The following RBFOX3 variants were observed in gnomAD, a reference collection of about 807,000 sequenced individuals.
RBFOX3 encodes RNA binding protein fox-1 homolog 3.
A neutral mutation model predicts 48.7 loss-of-function variants in RBFOX3; 17 were observed. The observed-to-expected ratio is 0.35, with a 90% CI of 0.24 to 0.52. The LOEUF is 0.52. RBFOX3 is among the 20% of genes least tolerant of loss of function. The pLI is 0.94. For missense variants in RBFOX3, 382 were observed against 497.5 expected (o/e 0.77, Z 2.21); for synonymous variants, 212 against 209.5 (o/e 1.01, Z -0.10).
At chr17:79,356,267 AG>A (rs1384472932) in intron 2 of RBFOX3, among the ~76,000 whole-genome samples, 1 of 144,808 alleles carries the variant, frequency 6.9e-6, no homozygotes, top group Non-Finnish European at 1.5e-5. Flanking sequence ...TGGGGGAGAG[AG>A]GAGGCACTTG....
rs8081143 is a variant in RBFOX3, at chr17:79,299,266, G to C, written c.-74+8458C>G. Reference sequence around the variant, plus strand: ...CACAACCCCGGATGGCATCAGGCTCGGTTAGGGGCTGAGTTTTGTCCCCTC... The same window carrying C: ...CACAACCCCGGATGGCATCAGGCTCCGTTAGGGGCTGAGTTTTGTCCCCTC... On this transcript the variant is annotated intron_variant, in intron 3 of 14. Transcript: ENST00000693108. The surrounding 1 kb of genome is among the most constrained non-coding windows in gnomAD (Gnocchi z 4.5). Among the ~76,000 whole-genome samples, 3 of 151,604 alleles carry C rather than the reference G, an allele frequency of 2.0e-5. No individual in the cohort carries two copies. The highest frequency in any genetic ancestry group is 3.9e-4 in the East Asian group (2 of 5,134).
intron 1 of RBFOX3, among the ~76,000 whole-genome samples, chr17:79,582,415 C>A (rs1431649582): frequency 6.6e-6 from 1 of 152,214 alleles, no homozygotes; most frequent in African/African-American, 2.4e-5. Flanking sequence ...GTGTGTGCTC[C>A]TTCTCCACCT....
chr17:79,248,027 G>T (rs1379228690), intron 3 of RBFOX3, among the ~76,000 whole-genome samples: 1 of 152,244 alleles, frequency 6.6e-6, no homozygotes, highest in African/African-American at 2.4e-5. Context: ...GCCACCAGAG[G>T]CAGTCACAGC....
chr17:79,425,213 C>T (rs1384081347), intron 2 of RBFOX3, among the ~76,000 whole-genome samples: 1 of 152,196 alleles, frequency 6.6e-6, no homozygotes, highest in Non-Finnish European at 1.5e-5. Context: ...CTGCAAACCC[C>T]CCTTCCTGGA....
chr17:79,346,203 G>A (rs2082897685), intron 2 of RBFOX3, among the ~76,000 whole-genome samples: 2 of 152,178 alleles, frequency 1.3e-5, no homozygotes, highest in African/African-American at 4.8e-5. Flanking sequence ...GATTACAGGT[G>A]TGAGCCACCA....
intron 2 of RBFOX3, among the ~76,000 whole-genome samples, chr17:79,327,482 CG>C (rs2079513550): frequency 6.6e-6 from 1 of 152,216 alleles, no homozygotes; most frequent in Non-Finnish European, 1.5e-5. Context: ...GCAGCGACCA[CG>C]GATGAATGCT....
At chr17:79,345,974 G>A (rs1183757060) in intron 2 of RBFOX3, among the ~76,000 whole-genome samples, 2 of 152,258 alleles carry the variant, frequency 1.3e-5, no homozygotes, top group Middle Eastern at 3.4e-3. Context: ...AGGCTGGAAT[G>A]CAGTGGTGTG....
chr17:79,096,580 G>A (rs948800394), intron 12 of RBFOX3, 73 bp downstream of exon 12: 36 of 1,326,420 alleles, frequency 2.7e-5, no homozygotes, highest in Admixed American at 2.0e-5. Flanking sequence ...CAGTGAGAGA[G>A]GAGACGCCGA....
chr17:79,568,505 C>A (rs1371909990), intron 1 of RBFOX3, among the ~76,000 whole-genome samples: 1 of 152,150 alleles, frequency 6.6e-6, no homozygotes, highest in Non-Finnish European at 1.5e-5. Flanking sequence ...CTGGTCCCAA[C>A]CATTTCAGAT....
chr17:79,560,203 C>G (rs1289145144), intron 1 of RBFOX3, among the ~76,000 whole-genome samples: 1 of 152,056 alleles, frequency 6.6e-6, no homozygotes, highest in Non-Finnish European at 1.5e-5. Context: ...GTAGAAGTGA[C>G]TGGGCTGAAA....
chr17:79,374,003 GGCCCACCTAATAATTA>G (rs1455117829), intron 2 of RBFOX3, among the ~76,000 whole-genome samples: 1 of 152,038 alleles, frequency 6.6e-6, no homozygotes, highest in African/African-American at 2.4e-5. Flanking sequence ...GGATTACAGG[GGCCCACCTAATAATTA>G]GCCCAGCTAA....
At chr17:79,327,561 T>C (rs1301183034) in intron 2 of RBFOX3, among the ~76,000 whole-genome samples, 1 of 152,202 alleles carries the variant, frequency 6.6e-6, no homozygotes, top group African/African-American at 2.4e-5. Flanking sequence ...CAAGGTGTCT[T>C]TCTTTTGTTG....
the RBFOX3 span, among the ~76,000 whole-genome samples, chr17:79,625,035 A>C: frequency 6.6e-6 from 1 of 152,080 alleles, no homozygotes; most frequent in Non-Finnish European, 1.5e-5. Context: ...CCATGGTTAA[A>C]GGGTACAGTT....
chr17:79,520,136 G>A (rs1403452178), intron 1 of RBFOX3, among the ~76,000 whole-genome samples: 6 of 152,340 alleles, frequency 3.9e-5, no homozygotes, highest in Middle Eastern at 3.4e-3. Context: ...GGGTGAGGGG[G>A]CTGGGACCAG....
intron 1 of RBFOX3, among the ~76,000 whole-genome samples, chr17:79,592,097 A>ATG (rs1375477066): frequency 3.0e-4 from 44 of 146,090 alleles, no homozygotes; most frequent in Non-Finnish European, 4.5e-4. Flanking sequence ...ATATGCATGC[A>ATG]TGTGTGTGTG....
intron 4 of RBFOX3, among the ~76,000 whole-genome samples, chr17:79,147,117 A>G (rs977491584): frequency 6.6e-6 from 1 of 152,222 alleles, no homozygotes; most frequent in Non-Finnish European, 1.5e-5. Context: ...TCTGGACACC[A>G]GAGCCAGGAC....
chr17:79,369,560 G>C (rs2058248507), intron 2 of RBFOX3, among the ~76,000 whole-genome samples: 1 of 152,146 alleles, frequency 6.6e-6, no homozygotes, highest in South Asian at 2.1e-4. Context: ...CCAAACTCTG[G>C]GTGTGTGTTC....
At chr17:79,413,613 A>G (rs1316225349) in intron 2 of RBFOX3, among the ~76,000 whole-genome samples, 1 of 152,192 alleles carries the variant, frequency 6.6e-6, no homozygotes, top group Non-Finnish European at 1.5e-5. Context: ...AGTGGGAAGG[A>G]GGCTCTGGGC....
intron 2 of RBFOX3, among the ~76,000 whole-genome samples, chr17:79,317,124 C>T (rs1364682546): frequency 6.6e-6 from 1 of 152,164 alleles, no homozygotes; most frequent in Non-Finnish European, 1.5e-5. Flanking sequence ...TCCCATCTCC[C>T]CCACGGCCAC....
Sources: allele counts gnomAD v4.1 joint callset (sites outside exome capture counted in the v4.1 genomes callset), GRCh38; gene constraint gnomAD v4.1.1; non-coding constraint Gnocchi (gnomAD v3.1); transcripts MANE v1.5; gene names NCBI Gene and HGNC (gene_info 2026-07-23, HGNC 2026-07-21).